The following ETV6 variants were observed in gnomAD, a reference collection of about 807,000 sequenced individuals.
ETV6 encodes the protein transcription factor ETV6.
ETV6 carries 16 observed loss-of-function variants against 51.1 expected under a neutral mutation model. The observed-to-expected ratio is 0.31, with a 90% confidence interval of 0.21 to 0.48. ETV6 has a LOEUF of 0.48. Among genes scored for constraint, ETV6 ranks in the 20% least tolerant of loss-of-function variants. The pLI, the probability that ETV6 is intolerant of heterozygous loss-of-function variation, is 0.99. For missense variants in ETV6, 458 were observed against 594.8 expected, an observed-to-expected ratio of 0.77 and a Z score of 2.39; for synonymous variants, 240 against 224.1, an observed-to-expected ratio of 1.07 and a Z score of -0.64.
intron 3 of ETV6, among the ~76,000 whole-genome samples, chr12:11,846,726 A>C (rs903996637): frequency 3.3e-5 from 5 of 152,220 alleles, no homozygotes; most frequent in Non-Finnish European, 4.4e-5. Context: ...CATGGGATAC[A>C]CGGTAGCCTC....
chr12:11,723,577 TCCAGCGTGGTA>T (rs1302275260), intron 1 of ETV6, among the ~76,000 whole-genome samples: 2 of 152,210 alleles, frequency 1.3e-5, no homozygotes, highest in Admixed American at 6.5e-5. Flanking sequence ...TGCCTTTTAT[TCCAGCGTGGTA>T]CCCGGCACAT....
intron 2 of ETV6, among the ~76,000 whole-genome samples, chr12:11,770,901 T>TAA (rs3837435): frequency 5.4e-5 from 8 of 146,846 alleles, no homozygotes; most frequent in South Asian, 2.1e-4. Context: ...CCCCATCTCT[T>TAA]AAAAAAAAAA....
At chr12:11,716,356 AAAAAG>A (rs1865280147) in intron 1 of ETV6, among the ~76,000 whole-genome samples, 1 of 145,370 alleles carries the variant, frequency 6.9e-6, no homozygotes, top group Non-Finnish European at 1.5e-5. Context: ...AAAAAAAAAA[AAAAAG>A]ATCATTCGGA....
rs570958282 is a variant in ETV6, at chr12:11,757,324, G to A, written c.163+4745G>A. ...TGAGTTTAAGACAGCCACGTGACAG[G>A]CACAGCTATATTAGAACCAGCATAG... is the stretch of plus-strand genomic sequence containing the variant. On this transcript the variant is annotated intron_variant, in intron 2 of 7. Coordinates refer to ENST00000396373, the MANE Select transcript of ETV6 (RefSeq NM_001987.5). Among the ~76,000 whole-genome samples, 13 of 152,168 alleles carry A rather than the reference G, an allele frequency of 8.5e-5. No individual in the cohort carries two copies. In the South Asian group the frequency reaches 1.5e-3, roughly 17 times the overall value.
At chr12:11,764,158 T>C (rs1050178397) in intron 2 of ETV6, among the ~76,000 whole-genome samples, 4 of 152,158 alleles carry the variant, frequency 2.6e-5, no homozygotes, top group East Asian at 1.9e-4. Flanking sequence ...GTCCCTAATA[T>C]CTTAATGAAA....
At chr12:11,820,586 A>C (rs1009681081) in intron 2 of ETV6, among the ~76,000 whole-genome samples, 7 of 152,190 alleles carry the variant, frequency 4.6e-5, no homozygotes, top group Admixed American at 3.3e-4. Flanking sequence ...AAGGAACAGC[A>C]AGTCCAAAGG....
chr12:11,748,324 A>C (rs1265641925), intron 1 of ETV6, among the ~76,000 whole-genome samples: 1 of 152,276 alleles, frequency 6.6e-6, no homozygotes, highest in Non-Finnish European at 1.5e-5. Flanking sequence ...GACAATTTCC[A>C]GGAAAAGTTT....
rs114142288 is a variant in ETV6 at position 11,853,814 on chromosome 12, G to A, written c.463+253G>A. Among the ~76,000 whole-genome samples the A allele has an allele frequency of 1.8e-3, 277 of 152,250 alleles. 1 individual carries two copies. Among genetic ancestry groups the A allele is most frequent in the African/African-American group, 6.2e-3 (257 of 41,556 alleles). On this transcript the variant is annotated intron_variant, in intron 4 of 7. Transcript: ENST00000396373. ...AGGCACCGTAAAGGTGTGGTGGAAG[G>A]GTCCATGACAGCCAGGTGCAGGAAG...
intron 2 of ETV6, among the ~76,000 whole-genome samples, chr12:11,831,610 A>G (rs995239219): frequency 1.3e-5 from 2 of 152,248 alleles, no homozygotes; most frequent in African/African-American, 2.4e-5. Context: ...GAGACAGGGA[A>G]TATCACCTAC....
chr12:11,650,496 C>CA (rs1252618617), intron 1 of ETV6, among the ~76,000 whole-genome samples: 16 of 111,416 alleles, frequency 1.4e-4, no homozygotes, highest in Admixed American at 7.2e-4. Context: ...AAAAAAAAAA[C>CA]AAAAAACAAA....
chr12:11,825,710 G>A (rs1946143732), intron 2 of ETV6: 3 of 152,170 alleles, frequency 2.0e-5, no homozygotes, highest in South Asian at 2.1e-4. Flanking sequence ...CAGTCACTGA[G>A]CTAGTAAGTG....
At position 11,893,169 on chromosome 12, in the gene ETV6, C is replaced by CAGAG. The variant is rs1399740827; in HGVS notation, c.*2125_*2128dup. ...GATGACTGGTATTCTATCTGAAATGCAGAGATTAAGCCAAATACCTGATGT... is the reference window on the plus strand; with the variant it reads ...GATGACTGGTATTCTATCTGAAATGCAGAGAGAGATTAAGCCAAATACCTGATGT... On this transcript the variant is annotated 3_prime_UTR_variant, in exon 8 of 8. Transcript: ENST00000396373. 4 of 232,488 alleles carry CAGAG rather than the reference C, an allele frequency of 1.7e-5. No homozygotes were observed. Among genetic ancestry groups the CAGAG allele is most frequent in the African/African-American group, 8.8e-5 (4 of 45,260 alleles). The allele number at this position is 232,488 out of a possible 1,614,324, so 14.4% of individuals were successfully genotyped here. A position where few individuals can be genotyped will look rare whatever the true frequency, so the allele number is the denominator to read the frequency against.
intron 3 of ETV6, among the ~76,000 whole-genome samples, chr12:11,842,775 G>GT (rs1352886747): frequency 1.3e-5 from 2 of 152,200 alleles, no homozygotes; most frequent in Non-Finnish European, 2.9e-5. Flanking sequence ...AGGAAAGCTA[G>GT]TTAGAGTGTC....
chr12:11,715,382 A>G (rs1371638146), intron 1 of ETV6, among the ~76,000 whole-genome samples: 3 of 152,226 alleles, frequency 2.0e-5, no homozygotes, highest in Non-Finnish European at 4.4e-5. Context: ...TGAGGTCACC[A>G]TTACTAGATA....
intron 3 of ETV6, among the ~76,000 whole-genome samples, chr12:11,839,576 G>A (rs1301832060): frequency 6.6e-6 from 1 of 152,204 alleles, no homozygotes; most frequent in Admixed American, 6.5e-5. Context: ...GGCTCTAACT[G>A]TGCCACTAAG....
At chr12:11,751,634 T>C (rs752013036) in intron 1 of ETV6, among the ~76,000 whole-genome samples, 4 of 152,250 alleles carry the variant, frequency 2.6e-5, no homozygotes, top group Non-Finnish European at 5.9e-5. Flanking sequence ...CAAACACTGC[T>C]TGTTTGAATT....
At chr12:11,853,405 T>C in intron 3 of ETV6, 22 bp from the exon 4 acceptor site, 1 of 1,613,852 alleles carries the variant, frequency 6.2e-7, no homozygotes, top group African/African-American at 1.3e-5. Flanking sequence ...TTTCTCGATT[T>C]CCCTTTCCTT....
At chr12:11,738,301 T>C (rs80212011) in intron 1 of ETV6, among the ~76,000 whole-genome samples, 4,372 of 72,506 alleles carry the variant, frequency 0.06, 306 homozygotes, top group African/African-American at 0.15. Context: ...TTTTTGTTTG[T>C]TTTTGCTTTT....
chr12:11,790,752 A>G (rs1445558041), intron 2 of ETV6, among the ~76,000 whole-genome samples: 1 of 143,728 alleles, frequency 7.0e-6, no homozygotes, highest in Non-Finnish European at 1.5e-5. Flanking sequence ...ATCTTGGCTC[A>G]CTGCAACCTT....
Sources: gnomAD v4.1 joint callset for allele counts (sites outside exome capture counted in the v4.1 genomes callset) on GRCh38, gnomAD v4.1.1 for gene constraint, MANE v1.5 for transcripts, NCBI Gene and HGNC (gene_info 2026-07-23, HGNC 2026-07-21) for gene names.